MOV10: variants seen among roughly 807,000 people sequenced by gnomAD.
MOV10 encodes RNA helicase MOV-10.
In MOV10, 39 loss-of-function variants were observed where a neutral mutation model predicts 108.4. The ratio of observed to expected loss-of-function variants is 0.36; its 90% CI spans 0.28 to 0.47. MOV10 has a LOEUF of 0.47. MOV10 is among the 20% of genes least tolerant of loss of function. The probability of loss-of-function intolerance (pLI) is 1.00; values close to 1 mark genes in which losing one functional copy is unlikely to be tolerated. For synonymous variants in MOV10, 490 were observed against 523.1 expected (o/e 0.94, Z 0.86); for missense variants, 952 against 1,297.6 (o/e 0.73, Z 4.09).
chr1:112,687,133 C>T, intron 2 of MOV10: 1 of 427,834 alleles, frequency 2.3e-6, no homozygotes. Context: ...CCTACTACTA[C>T]TGCTACTATT....
Position 112,675,056 on chromosome 1 carries a change from G to A in MOV10, c.137+7G>A. 1 of 1,589,678 alleles carries A rather than the reference G, an allele frequency of 6.3e-7. No individual in the cohort carries two copies. The highest frequency in any genetic ancestry group is 8.6e-7 in the Non-Finnish European group (1 of 1,169,382). On this transcript the variant is annotated splice_region_variant and intron_variant, in intron 2 of 20. Transcript: ENST00000369645. The surrounding 1 kb of genome is among the most constrained non-coding windows in gnomAD (Gnocchi z 4.7). ...ACCGCGACTTCAAGATCAGGTACGG[G>A]CCGGCCCACTCCCGGCCCCGAATCG...
At chr1:112,687,692 A>G (rs1015217575) in intron 2 of MOV10, among the ~76,000 whole-genome samples, 2 of 152,098 alleles carry the variant, frequency 1.3e-5, no homozygotes, top group African/African-American at 4.8e-5. Flanking sequence ...TGTATGTGAT[A>G]CTAATCATGG....
At position 112,674,672 on chromosome 1, in the gene MOV10, A is replaced by G. The variant is rs989124550; in HGVS notation, c.-123A>G. 1.9e-5 allele frequency: 8 copies of G among 416,522 alleles called. No individual in the cohort carries two copies. Among genetic ancestry groups the G allele is most frequent in the Non-Finnish European group, 3.0e-5 (7 of 234,610 alleles). 25.8% of individuals were successfully genotyped at this position (416,522 alleles called of 1,614,324 possible). ...GAGGGAGGGGTCAGACGCTTTAGGA[A>G]AGAGTTAATGCGAAGAGGGGGAGGG... On this transcript the variant is annotated 5_prime_UTR_variant, in exon 1 of 21. Coordinates refer to ENST00000369645, the MANE Select transcript of MOV10 (RefSeq NM_001321324.2).
intron 11 of MOV10, 48 bp from the exon 12 acceptor site, chr1:112,696,100 G>A (rs1290562996): frequency 7.8e-7 from 1 of 1,288,506 alleles, no homozygotes; most frequent in Non-Finnish European, 1.1e-6. Flanking sequence ...ATCACGGTGG[G>A]AATGAGTGGA....
chr1:112,700,136 A>T (rs1360311984), intron 19 of MOV10, 83 bp from the exon 20 acceptor site: 1 of 1,601,946 alleles, frequency 6.2e-7, no homozygotes, highest in East Asian at 2.2e-5. Context: ...AATGACATCC[A>T]GAGGTTGAGC....
At chr1:112,680,645 G>A (rs1371667735) in intron 2 of MOV10, among the ~76,000 whole-genome samples, 1 of 103,854 alleles carries the variant, frequency 9.6e-6, no homozygotes, top group Non-Finnish European at 1.8e-5. Context: ...GACAGAGTGA[G>A]ACTCCGTCTC....
At chr1:112,693,881 G>A in intron 7 of MOV10, 137 bp from the exon 8 acceptor site, 2 of 664,096 alleles carry the variant, frequency 3.0e-6, no homozygotes, top group Non-Finnish European at 5.1e-6. Flanking sequence ...AGGGGTGCAG[G>A]GATAGCATAA....
intron 2 of MOV10, among the ~76,000 whole-genome samples, chr1:112,686,286 G>A (rs1206078881): frequency 2.0e-5 from 3 of 152,200 alleles, no homozygotes; most frequent in Non-Finnish European, 4.4e-5. Context: ...CATAGCTGCT[G>A]TAGGCATTAG....
At chr1:112,676,555 C>T (rs539964287) in intron 2 of MOV10, among the ~76,000 whole-genome samples, 2 of 152,164 alleles carry the variant, frequency 1.3e-5, no homozygotes, top group African/African-American at 2.4e-5. Context: ...ACAGCAAAAA[C>T]AGCGGGGGAT....
rs1279729045 is a variant in MOV10, at chr1:112,700,361, G to C, written c.2920+21G>C. The stretch of plus-strand genomic sequence containing the variant: ...CTCAGGTATGGCTGGGCCAGGGTGG[G>C]GACAGTGCCAGAGGAGGTGGTAAGG... On this transcript the variant is annotated intron_variant, in intron 20 of 20. Transcript: ENST00000369645. 3.7e-6 allele frequency: 6 copies of C among 1,614,042 alleles called. No homozygotes were observed. The East Asian group carries it at 6.7e-5, about 18-fold the overall frequency.
chr1:112,695,185 AC>A (rs1431193776), intron 10 of MOV10, among the ~76,000 whole-genome samples: 1 of 152,052 alleles, frequency 6.6e-6, no homozygotes, highest in Non-Finnish European at 1.5e-5. Flanking sequence ...GTGCCACTGC[AC>A]TCCATCCTGG....
chr1:112,694,310 C>A lies in MOV10; in HGVS notation c.1295+138C>A. The stretch of plus-strand genomic sequence containing the variant: ...TTTTCCTCAGGGGTACCCTGAGATG[C>A]TACGGCAGCTTCCTCTTCTAGAGAA... On this transcript the variant is annotated intron_variant, in intron 8 of 20. Transcript: ENST00000369645. The surrounding 1 kb of genome is among the most constrained non-coding windows in gnomAD (Gnocchi z 4.1). The A allele has an allele frequency of 7.2e-7, 1 of 1,390,250 alleles. No individual in the cohort carries two copies. The highest frequency in any genetic ancestry group is 1.0e-6 in the Non-Finnish European group (1 of 997,794). 86.1% of individuals were successfully genotyped at this position (1,390,250 alleles called of 1,614,324 possible). A position where few individuals can be genotyped will look rare whatever the true frequency, so the allele number is the denominator to read the frequency against.
In MOV10 at chr1:112,689,588, G is replaced by T. The variant is rs1286812272; in HGVS notation, c.515G>T (p.Cys172Phe). 9.9e-6 allele frequency: 16 copies of T among 1,614,066 alleles called. No homozygotes were observed. Among genetic ancestry groups the T allele is most frequent in the African/African-American group, 1.3e-5 (1 of 74,910 alleles). ...SVTLTHLFPLCRTPQFAFYNE... is the reference protein window; with the variant it reads ...SVTLTHLFPLFRTPQFAFYNE... ...ACCCTCACTCACCTCTTCCCACTCT[G>T]CCGGACACCCCAGTTTGCTTTCTAC... Residue 172 changes from cysteine to phenylalanine, a missense_variant, in exon 4 of 21, where the codon TGC becomes TTC. This residue lies in a region of MOV10 where 374 missense variants were observed against 468.6 expected (regional missense o/e 0.80). Coordinates refer to ENST00000369645, the MANE Select transcript of MOV10 (RefSeq NM_001321324.2).
chr1:112,695,219 C>CA (rs1414509447), intron 10 of MOV10, among the ~76,000 whole-genome samples, 197 bp from the exon 11 acceptor site: 4 of 151,150 alleles, frequency 2.6e-5, no homozygotes, highest in Admixed American at 6.6e-5. Context: ...GACTCTGTCT[C>CA]AAAAAAAAGG....
intron 11 of MOV10, 80 bp from the exon 12 acceptor site, chr1:112,696,068 A>G: frequency 2.2e-6 from 2 of 921,166 alleles, no homozygotes. Context: ...TAATTGTTTG[A>G]GGGGGGGTAC....
chr1:112,679,559 T>C (rs1341441053), intron 2 of MOV10, among the ~76,000 whole-genome samples: 1 of 152,058 alleles, frequency 6.6e-6, no homozygotes. Flanking sequence ...ATCAGATTTG[T>C]GTTTGATGAC....
rs754339912 is a variant in MOV10, at chr1:112,698,280, T to C, written c.2317-7T>C. ...TGGCTGACGGTTTCCCCCGACCCCA[T>C]GTCCAGGGCTTTCCCATCATCTTTC... On this transcript the variant is annotated splice_polypyrimidine_tract_variant and splice_region_variant and intron_variant, in intron 15 of 20. Transcript: ENST00000369645. 6.8e-6 allele frequency: 11 copies of C among 1,610,800 alleles called. No individual in the cohort carries two copies. Among genetic ancestry groups the C allele is most frequent in the Middle Eastern group, 1.6e-4 (1 of 6,066 alleles).
At position 112,698,263 on chromosome 1, in the gene MOV10, G is replaced by A. The variant is rs758357849; in HGVS notation, c.2317-24G>A. 10 of 1,607,130 alleles carry A rather than the reference G, an allele frequency of 6.2e-6. No individual in the cohort carries two copies. In the South Asian group the frequency reaches 8.8e-5, roughly 14 times the overall value. On this transcript the variant is annotated intron_variant, in intron 15 of 20. Coordinates refer to ENST00000369645, the MANE Select transcript of MOV10 (RefSeq NM_001321324.2). Reference sequence around the variant, plus strand: ...ATAGAGGGAGGGTGGTCTGGCTGACGGTTTCCCCCGACCCCATGTCCAGGG... The same window carrying A: ...ATAGAGGGAGGGTGGTCTGGCTGACAGTTTCCCCCGACCCCATGTCCAGGG...
chr1:112,688,792 T>C (rs958889551), intron 2 of MOV10, 143 bp from the exon 3 acceptor site: 29 of 1,485,310 alleles, frequency 2.0e-5, no homozygotes, highest in Non-Finnish European at 3.6e-6. Context: ...CCTGAGTCTC[T>C]CTGTCTCTGG....
Sources: gnomAD v4.1 joint callset for allele counts (sites outside exome capture counted in the v4.1 genomes callset) on GRCh38, gnomAD v4.1.1 for gene constraint, gnomAD v4.1.1 regional missense constraint, Gnocchi (gnomAD v3.1) non-coding constraint, MANE v1.5 for transcripts, NCBI Gene and HGNC (gene_info 2026-07-23, HGNC 2026-07-21) for gene names.